PCDHA13: variants seen among roughly 807,000 people sequenced by gnomAD.
The protein encoded by PCDHA13 is protocadherin alpha 13.
In PCDHA13, 54 loss-of-function variants were observed where a neutral mutation model predicts 64.8. That is an observed-to-expected ratio of 0.83 (90% confidence interval 0.67 to 1.04). The LOEUF is 1.04. Among genes scored for constraint, PCDHA13 ranks in the 50% least tolerant of loss-of-function variants. The pLI, the probability that PCDHA13 is intolerant of heterozygous loss-of-function variation, is 0.00. For missense variants in PCDHA13, 1,248 were observed against 1,254.3 expected (o/e 0.99, Z 0.08); for synonymous variants, 587 against 564.4 (o/e 1.04, Z -0.57).
At chr5:140,905,944 A>G (rs2072219566) in intron 1 of PCDHA13, among the ~76,000 whole-genome samples, 3 of 152,216 alleles carry the variant, frequency 2.0e-5, no homozygotes, top group Non-Finnish European at 4.4e-5. Flanking sequence ...AGAACTTGGA[A>G]TCCGATGTTC....
At chr5:140,956,141 C>A (rs1181002106) in intron 1 of PCDHA13, among the ~76,000 whole-genome samples, 2 of 152,122 alleles carry the variant, frequency 1.3e-5, no homozygotes, top group Non-Finnish European at 2.9e-5. Context: ...CCCTTTATTT[C>A]TTTCTCTTTC....
chr5:141,001,269 C>A (rs536985121), intron 3 of PCDHA13, among the ~76,000 whole-genome samples: 2 of 152,152 alleles, frequency 1.3e-5, no homozygotes, highest in East Asian at 3.9e-4. Context: ...CTCTTATGAA[C>A]TTTTTTTACG....
In PCDHA13 at chr5:140,883,726, G is replaced by A; in HGVS notation, c.1458G>A (p.Glu486=). 2 of 1,613,590 alleles carry A rather than the reference G, an allele frequency of 1.2e-6. No individual in the cohort carries two copies. The highest frequency in any genetic ancestry group is 1.7e-6 in the Non-Finnish European group (2 of 1,179,852). Residue 486 remains glutamate (E), a synonymous_variant, in exon 1 of 4, where the codon GAG becomes GAA. Transcript: ENST00000289272. The part of the protein sequence containing the change: ...TVSAQDADAQ[E]NALVSYSLVE... ...CTGCTCAGGACGCGGACGCACAGGA[G>A]AACGCGCTGGTCTCCTACTCGCTGG...
At chr5:140,969,267 G>A in intron 1 of PCDHA13, 5 of 1,614,208 alleles carry the variant, frequency 3.1e-6, no homozygotes, top group South Asian at 2.2e-5. Flanking sequence ...AATCTCACAG[G>A]CCAAAGTGGT....
At chr5:140,940,822 A>G (rs1446773813) in intron 1 of PCDHA13, among the ~76,000 whole-genome samples, 9 of 152,200 alleles carry the variant, frequency 5.9e-5, no homozygotes, top group Admixed American at 3.9e-4. Context: ...GAGATCTTGG[A>G]TGGAAATACC....
chr5:140,900,420 GGC>G lies in PCDHA13; in HGVS notation c.2394+15759_2394+15760del, dbSNP rs1554189140. ...AGCCTCCCAAGTAGCTGGGATTATA[GGC>G]ACGTGCCACCACGGCCGGCTAATTT... On this transcript the variant is annotated intron_variant, in intron 1 of 3. Transcript: ENST00000289272. Among the ~76,000 whole-genome samples the G allele has an allele frequency of 7.9e-5, 12 of 152,256 alleles. No individual in the cohort carries two copies. The East Asian group carries it at 2.3e-3, about 30-fold the overall frequency.
In PCDHA13 at chr5:141,010,480, A is replaced by C; in HGVS notation, c.*543A>C. The C allele has an allele frequency of 1.4e-6, 1 of 696,098 alleles. No individual in the cohort carries two copies. Among genetic ancestry groups the C allele is most frequent in the Non-Finnish European group, 2.2e-6 (1 of 452,208 alleles). 43.1% of individuals were successfully genotyped at this position (696,098 alleles called of 1,614,324 possible). A position where few individuals can be genotyped will look rare whatever the true frequency, so the allele number is the denominator to read the frequency against. On this transcript the variant is annotated 3_prime_UTR_variant, in exon 4 of 4. Transcript: ENST00000289272. ...TTATCAGTATGGAGGGGAAGTGTAA[A>C]CTTAAAGGGACCAGACTTTCTAAAT...
At chr5:141,007,869 T>C (rs2098349373) in intron 3 of PCDHA13, among the ~76,000 whole-genome samples, 1 of 152,262 alleles carries the variant, frequency 6.6e-6, no homozygotes, top group African/African-American at 2.4e-5. Flanking sequence ...TCTTTTCCTT[T>C]GTCTTACACT....
chr5:140,941,492 T>G (rs1446870882), intron 1 of PCDHA13, among the ~76,000 whole-genome samples: 18 of 151,592 alleles, frequency 1.2e-4, no homozygotes, highest in Admixed American at 1.2e-3. Flanking sequence ...ATTTTTTGTA[T>G]TTTTAGTAGA....
At chr5:140,977,661 CTGCA>C (rs1554238727) in intron 1 of PCDHA13, among the ~76,000 whole-genome samples, 1 of 152,168 alleles carries the variant, frequency 6.6e-6, no homozygotes, top group Non-Finnish European at 1.5e-5. Flanking sequence ...GGCTAATTCT[CTGCA>C]TGCCAAATAT....
chr5:141,005,664 T>G (rs1554260244), intron 3 of PCDHA13, among the ~76,000 whole-genome samples: 1 of 122,102 alleles, frequency 8.2e-6, no homozygotes. Flanking sequence ...ATCGCGCCAC[T>G]GCACTCCAGC....
At chr5:140,959,956 G>A (rs78198535) in intron 1 of PCDHA13, among the ~76,000 whole-genome samples, 3,568 of 152,304 alleles carry the variant, frequency 0.023, 49 homozygotes, top group Middle Eastern at 0.034. Flanking sequence ...TCATAGGTAG[G>A]AGGTAGATGT....
chr5:140,981,864 T>C (rs1554243477), intron 2 of PCDHA13, among the ~76,000 whole-genome samples: 3 of 152,294 alleles, frequency 2.0e-5, no homozygotes, highest in African/African-American at 7.2e-5. Context: ...CCCAGCAATG[T>C]TTTATGCTGA....
At position 140,927,789 on chromosome 5, in the gene PCDHA13, A is replaced by G. The variant is rs781883935; in HGVS notation, c.2394+43127A>G. On this transcript the variant is annotated intron_variant, in intron 1 of 3. Transcript: ENST00000289272. The stretch of plus-strand genomic sequence containing the variant: ...GGGAGGTGCAAGTAGCTGCTTCACT[A>G]GGTCCGCCTGAAACGCTCTTGGAGG... 4 of 1,614,164 alleles carry G rather than the reference A, an allele frequency of 2.5e-6. No individual in the cohort carries two copies. The African/African-American group carries it at 4.0e-5, about 16-fold the overall frequency.
At chr5:140,888,198 G>A (rs1031899783) in intron 1 of PCDHA13, among the ~76,000 whole-genome samples, 2 of 152,044 alleles carry the variant, frequency 1.3e-5, no homozygotes, top group Admixed American at 6.6e-5. Flanking sequence ...TTACATTGTC[G>A]GATGCTGGAT....
intron 1 of PCDHA13, among the ~76,000 whole-genome samples, chr5:140,950,908 T>G (rs1259421351): frequency 6.6e-6 from 1 of 152,072 alleles, no homozygotes; most frequent in Non-Finnish European, 1.5e-5. Flanking sequence ...TTTATTTTTA[T>G]TTTATTTCAG....
At chr5:140,980,842 T>C (rs376646751) in intron 2 of PCDHA13, among the ~76,000 whole-genome samples, 2 of 152,328 alleles carry the variant, frequency 1.3e-5, no homozygotes, top group Non-Finnish European at 2.9e-5. Flanking sequence ...ACCTAAATAA[T>C]ACTAATCTTT....
At chr5:140,989,837 T>C (rs1389244965) in intron 3 of PCDHA13, among the ~76,000 whole-genome samples, 1 of 152,120 alleles carries the variant, frequency 6.6e-6, no homozygotes, top group African/African-American at 2.4e-5. Context: ...AGCCTGTCAA[T>C]GAGTGTGTGG....
chr5:140,929,557 A>G (rs782792383), intron 1 of PCDHA13: 64 of 478,142 alleles, frequency 1.3e-4, no homozygotes, highest in Non-Finnish European at 1.9e-4. Flanking sequence ...ATTAAAACCT[A>G]TTTAAGAACA....
Sources: gnomAD v4.1 joint callset for allele counts (sites outside exome capture counted in the v4.1 genomes callset) on GRCh38, gnomAD v4.1.1 for gene constraint, MANE v1.5 for transcripts, NCBI Gene and HGNC (gene_info 2026-07-23, HGNC 2026-07-21) for gene names.